The following PRKCB variants were observed in gnomAD, a reference collection of about 807,000 sequenced individuals.
PRKCB encodes the protein protein kinase C beta.
Under a neutral mutation model 81.5 loss-of-function variants are expected in PRKCB, and 13 were observed. That is an observed-to-expected ratio of 0.16 (90% confidence interval 0.10 to 0.25). The LOEUF is 0.25. Among genes scored for constraint, PRKCB ranks in the 10% least tolerant of loss-of-function variants. PRKCB has a pLI of 1.00. For synonymous variants in PRKCB, 335 were observed against 321.4 expected (o/e 1.04, Z -0.45); for missense variants, 509 against 875.7 (o/e 0.58, Z 5.29).
chr16:23,919,181 T>TA (rs1198422850), intron 2 of PRKCB, among the ~76,000 whole-genome samples: 1 of 152,206 alleles, frequency 6.6e-6, no homozygotes, highest in Non-Finnish European at 1.5e-5. Context: ...CAGTGTGATG[T>TA]AAGGGATATA....
chr16:23,875,821 A>G (rs936114924), intron 2 of PRKCB, among the ~76,000 whole-genome samples: 2 of 151,352 alleles, frequency 1.3e-5, no homozygotes, highest in South Asian at 4.2e-4. Flanking sequence ...ATATATATAT[A>G]TGCATGACCC....
chr16:24,039,014 T>G (rs559454104), intron 5 of PRKCB, among the ~76,000 whole-genome samples: 2 of 152,154 alleles, frequency 1.3e-5, no homozygotes, highest in Admixed American at 6.5e-5. Flanking sequence ...TAGATGAGGT[T>G]GTGAGGGTGG....
At chr16:23,853,416 G>A (rs768944574) in intron 2 of PRKCB, among the ~76,000 whole-genome samples, 1 of 152,322 alleles carries the variant, frequency 6.6e-6, no homozygotes, top group Middle Eastern at 3.4e-3. Context: ...TTCAGCTGGG[G>A]AAGGAAGTCA....
chr16:24,026,809 G>C (rs532587489), intron 3 of PRKCB, among the ~76,000 whole-genome samples: 1 of 152,320 alleles, frequency 6.6e-6, no homozygotes, highest in South Asian at 2.1e-4. Context: ...AAGGATGTAA[G>C]GGAGAAGGAG....
At chr16:24,147,381 C>T (rs192371501) in intron 9 of PRKCB, among the ~76,000 whole-genome samples, 18 of 151,848 alleles carry the variant, frequency 1.2e-4, no homozygotes, top group South Asian at 4.2e-4. Flanking sequence ...GAAGCAGGGC[C>T]GTGTTTGTCC....
chr16:23,973,941 G>T (rs138148276), intron 2 of PRKCB, among the ~76,000 whole-genome samples: 1 of 152,200 alleles, frequency 6.6e-6, no homozygotes, highest in Admixed American at 6.5e-5. Context: ...AAAGTGCTGG[G>T]ATTACAGGCG....
intron 2 of PRKCB, among the ~76,000 whole-genome samples, chr16:23,838,947 C>T (rs925180449): frequency 1.3e-5 from 2 of 152,192 alleles, no homozygotes; most frequent in Non-Finnish European, 2.9e-5. Context: ...AACTTTGACC[C>T]CTCAAACAAA....
intron 3 of PRKCB, among the ~76,000 whole-genome samples, chr16:24,015,020 C>G (rs1234379658): frequency 1.3e-5 from 2 of 152,120 alleles, no homozygotes; most frequent in African/African-American, 4.8e-5. Context: ...AGGCTGGTCT[C>G]GAACTCCTGG....
At chr16:24,095,379 G>C (rs1039099285) in intron 7 of PRKCB, among the ~76,000 whole-genome samples, 2 of 152,124 alleles carry the variant, frequency 1.3e-5, no homozygotes, top group Non-Finnish European at 2.9e-5. Flanking sequence ...AGTAATAGGG[G>C]TGTGAAAAAT....
At chr16:24,071,315 A>C (rs1405468722) in intron 5 of PRKCB, among the ~76,000 whole-genome samples, 2 of 151,932 alleles carry the variant, frequency 1.3e-5, no homozygotes, top group African/African-American at 4.8e-5. Context: ...CCTTGAAAAC[A>C]AAACATGGCC....
chr16:24,146,622 G>A lies in PRKCB; in HGVS notation c.1066-8062G>A, dbSNP rs560346136. ...GAGATTCCAGGCACGCTTTGCCATT[G>A]GGATTCGCCAGTAAAGTTCATCACC... On this transcript the variant is annotated intron_variant, in intron 9 of 16. Transcript: ENST00000643927. Among the ~76,000 whole-genome samples the A allele has an allele frequency of 3.9e-5, 6 of 152,296 alleles. No individual in the cohort carries two copies. In the South Asian group the frequency reaches 1.2e-3, roughly 32 times the overall value.
chr16:23,967,947 G>A (rs902502449), intron 2 of PRKCB, among the ~76,000 whole-genome samples: 11 of 152,290 alleles, frequency 7.2e-5, no homozygotes, highest in African/African-American at 2.4e-4. Context: ...GAGCCACTGC[G>A]CCGGGCCTTT....
intron 2 of PRKCB, among the ~76,000 whole-genome samples, chr16:23,874,628 T>C (rs1978078): frequency 0.74 from 110,123 of 149,588 alleles, 40,856 homozygotes; most frequent in East Asian, 0.95. Context: ...TTATGGGAGC[T>C]TTCCTAATTG....
chr16:24,179,486 G>A (rs141223148), intron 12 of PRKCB, among the ~76,000 whole-genome samples: 133 of 152,316 alleles, frequency 8.7e-4, no homozygotes, highest in African/African-American at 2.9e-3. Flanking sequence ...TATTAGGACC[G>A]ATCCATCTCT....
At chr16:23,928,233 C>T (rs774751091) in intron 2 of PRKCB, among the ~76,000 whole-genome samples, 22 of 151,930 alleles carry the variant, frequency 1.4e-4, no homozygotes, top group Non-Finnish European at 2.6e-4. Flanking sequence ...TCAAGCAATT[C>T]TCCTGCCTCA....
chr16:24,214,915 T>C lies in PRKCB; in HGVS notation c.*99T>C. On this transcript the variant is annotated 3_prime_UTR_variant, in exon 17 of 17. Transcript: ENST00000643927. ...TTTCATTGCCAAGTTGCATCCATGT[T>C]TGATTTTCTGATGAGACTAGAGTGA... is the stretch of plus-strand genomic sequence containing the variant. 1 of 1,551,978 alleles carries C rather than the reference T, an allele frequency of 6.4e-7. No individual in the cohort carries two copies. Among genetic ancestry groups the C allele is most frequent in the Non-Finnish European group, 8.7e-7 (1 of 1,152,990 alleles).
At chr16:23,986,440 TG>T (rs1337651083) in intron 2 of PRKCB, among the ~76,000 whole-genome samples, 2 of 151,882 alleles carry the variant, frequency 1.3e-5, no homozygotes, top group Admixed American at 1.3e-4. Context: ...TTTGTAGAGA[TG>T]GGGTCTCACT....
chr16:24,108,352 T>A (rs556930489), intron 7 of PRKCB, among the ~76,000 whole-genome samples: 4 of 148,900 alleles, frequency 2.7e-5, no homozygotes, highest in East Asian at 3.9e-4. Context: ...TAAATTTATT[T>A]ATTTATTTAT....
At chr16:23,912,836 A>T (rs1046759699) in intron 2 of PRKCB, among the ~76,000 whole-genome samples, 15 of 140,738 alleles carry the variant, frequency 1.1e-4, no homozygotes, top group African/African-American at 3.8e-4. Context: ...TTATTTATTT[A>T]TTTTTTGATA....
Sources: allele counts gnomAD v4.1 joint callset (sites outside exome capture counted in the v4.1 genomes callset), GRCh38; gene constraint gnomAD v4.1.1; transcripts MANE v1.5; gene names NCBI Gene and HGNC (gene_info 2026-07-23, HGNC 2026-07-21).